ATP8A2: variants seen among roughly 807,000 people sequenced by gnomAD.
ATP8A2 encodes the protein phospholipid-transporting ATPase IB.
Under a neutral mutation model 165.6 loss-of-function variants are expected in ATP8A2, and 100 were observed. The ratio of observed to expected loss-of-function variants is 0.60; its 90% CI spans 0.51 to 0.71. ATP8A2 has a LOEUF of 0.71. ATP8A2 is among the 30% of genes least tolerant of loss of function. The pLI, the probability that ATP8A2 is intolerant of heterozygous loss-of-function variation, is 0.00. For missense variants in ATP8A2, 1,227 were observed against 1,479.5 expected (o/e 0.83, Z 2.80); for synonymous variants, 543 against 548.8 (o/e 0.99, Z 0.15).
intron 24 of ATP8A2, among the ~76,000 whole-genome samples, chr13:25,641,270 G>A (rs551337654): frequency 6.6e-6 from 1 of 152,306 alleles, no homozygotes; most frequent in South Asian, 2.1e-4. Context: ...TCAGTCAGGA[G>A]AAAGAAATAA....
At position 25,875,757 on chromosome 13, in the gene ATP8A2, T is replaced by C. The variant is rs2765742; in HGVS notation, c.3183+13349T>C. Reference sequence around the variant, plus strand: ...GCATGATATTCATTGATATTGGCGTTTGGAAACAGTTAATAGTCACACTTA... The same window carrying C: ...GCATGATATTCATTGATATTGGCGTCTGGAAACAGTTAATAGTCACACTTA... On this transcript the variant is annotated intron_variant, in intron 33 of 36. Coordinates refer to ENST00000381655, the MANE Select transcript of ATP8A2 (RefSeq NM_016529.6). 4.7e-3 allele frequency among the ~76,000 whole-genome samples: 711 copies of C among 152,326 alleles called. 8 individuals are homozygous for C. The highest frequency in any genetic ancestry group is 0.016 in the African/African-American group (680 of 41,568).
intron 24 of ATP8A2, among the ~76,000 whole-genome samples, chr13:25,687,650 T>C (rs1369110259): frequency 6.6e-6 from 1 of 152,164 alleles, no homozygotes; most frequent in Non-Finnish European, 1.5e-5. Flanking sequence ...TACTTGTTGC[T>C]TTCTTAGAGA....
At chr13:25,649,145 A>T (rs1299907029) in intron 24 of ATP8A2, 1 of 441,166 alleles carries the variant, frequency 2.3e-6, no homozygotes, top group Non-Finnish European at 4.5e-6. Context: ...TTTCACAGGC[A>T]TTCTTTGGAA....
chr13:25,880,838 G>A, intron 33 of ATP8A2: 1 of 446,174 alleles, frequency 2.2e-6, no homozygotes. Flanking sequence ...TGTGGTTTGG[G>A]TAAAAAGGTG....
At chr13:25,382,811 A>T (rs2032888556) in intron 1 of ATP8A2, among the ~76,000 whole-genome samples, 1 of 150,282 alleles carries the variant, frequency 6.7e-6, no homozygotes, top group Non-Finnish European at 1.5e-5. Context: ...GCTGGAGTGC[A>T]GTGGCACGAT....
At chr13:25,755,467 A>G (rs2044241086) in intron 25 of ATP8A2, among the ~76,000 whole-genome samples, 1 of 152,260 alleles carries the variant, frequency 6.6e-6, no homozygotes, top group African/African-American at 2.4e-5. Context: ...ATTGTGTGCA[A>G]AGCATTCCGT....
chr13:25,396,932 G>A (rs569442435), intron 1 of ATP8A2, among the ~76,000 whole-genome samples: 12 of 152,242 alleles, frequency 7.9e-5, no homozygotes, highest in Non-Finnish European at 1.2e-4. Context: ...TAGGCAGCAA[G>A]AGATGGTAGA....
intron 30 of ATP8A2, among the ~76,000 whole-genome samples, chr13:25,846,021 C>A (rs1236418991): frequency 6.6e-6 from 1 of 152,030 alleles, no homozygotes; most frequent in East Asian, 1.9e-4. Context: ...ACTAAAAATA[C>A]AAAAATTGGC....
At chr13:25,932,277 C>T (rs895701140) in intron 33 of ATP8A2, among the ~76,000 whole-genome samples, 1 of 152,158 alleles carries the variant, frequency 6.6e-6, no homozygotes, top group African/African-American at 2.4e-5. Context: ...CAGCACCTAC[C>T]TCCAGTCTCT....
At chr13:25,988,858 T>G (rs571461415) in intron 35 of ATP8A2, among the ~76,000 whole-genome samples, 2 of 152,326 alleles carry the variant, frequency 1.3e-5, no homozygotes, top group African/African-American at 4.8e-5. Flanking sequence ...ATCTGGAGAT[T>G]GTTCTATTTG....
chr13:25,999,321 C>T (rs1426675211), intron 35 of ATP8A2, among the ~76,000 whole-genome samples: 1 of 152,128 alleles, frequency 6.6e-6, no homozygotes, highest in Non-Finnish European at 1.5e-5. Flanking sequence ...CCATGGGTTT[C>T]TACAAGCTGA....
intron 1 of ATP8A2, among the ~76,000 whole-genome samples, chr13:25,413,765 C>T (rs1164128075): frequency 6.6e-6 from 1 of 152,094 alleles, no homozygotes; most frequent in East Asian, 1.9e-4. Flanking sequence ...GGTCTTCTTC[C>T]CTGGAGTCTG....
intron 25 of ATP8A2, among the ~76,000 whole-genome samples, chr13:25,718,881 G>T (rs974631608): frequency 6.6e-6 from 1 of 152,164 alleles, no homozygotes; most frequent in Non-Finnish European, 1.5e-5. Context: ...TTAGAACTAG[G>T]TAGACAAGTT....
intron 2 of ATP8A2, among the ~76,000 whole-genome samples, chr13:25,502,675 T>C (rs746822434): frequency 2.0e-5 from 3 of 152,236 alleles, no homozygotes; most frequent in Non-Finnish European, 4.4e-5. Context: ...ATCCTCTACC[T>C]AGAACACTGA....
At chr13:26,002,562 T>TA (rs56339912) in intron 35 of ATP8A2, among the ~76,000 whole-genome samples, 4,253 of 135,260 alleles carry the variant, frequency 0.031, 109 homozygotes, top group African/African-American at 0.069. Flanking sequence ...CTTAAAGTAT[T>TA]AAAAAAAAAA....
intron 33 of ATP8A2, among the ~76,000 whole-genome samples, chr13:25,951,938 T>G (rs542765445): frequency 9.2e-5 from 14 of 152,292 alleles, no homozygotes; most frequent in African/African-American, 2.6e-4. Flanking sequence ...ACAGGGATGT[T>G]AAGTTGGCAG....
chr13:25,487,579 T>A (rs1032967742), intron 2 of ATP8A2, among the ~76,000 whole-genome samples: 2 of 152,206 alleles, frequency 1.3e-5, no homozygotes, highest in Non-Finnish European at 2.9e-5. Context: ...GATAGTGTGT[T>A]TGACAACAAC....
At chr13:25,535,231 T>C (rs1470313774) in intron 6 of ATP8A2, among the ~76,000 whole-genome samples, 1 of 152,172 alleles carries the variant, frequency 6.6e-6, no homozygotes, top group Non-Finnish European at 1.5e-5. Context: ...AAGCTGGCTG[T>C]CCTTAAGGTC....
At chr13:26,012,807 G>A (rs1956878488) in intron 36 of ATP8A2, among the ~76,000 whole-genome samples, 185 bp downstream of exon 36, 1 of 152,108 alleles carries the variant, frequency 6.6e-6, no homozygotes, top group African/African-American at 2.4e-5. Flanking sequence ...TGCAGCTTGA[G>A]TGTAGGCAAT....
Sources: allele counts gnomAD v4.1 joint callset (sites outside exome capture counted in the v4.1 genomes callset), GRCh38; gene constraint gnomAD v4.1.1; transcripts MANE v1.5; gene names NCBI Gene and HGNC (gene_info 2026-07-23, HGNC 2026-07-21).